The following STRN variants were observed in gnomAD, a reference collection of about 807,000 sequenced individuals.
The protein encoded by STRN is protein phosphatase 2 regulatory subunit B'''alpha.
Under a neutral mutation model 96.3 loss-of-function variants are expected in STRN, and 53 were observed. That is an observed-to-expected ratio of 0.55 (90% CI 0.44 to 0.69). STRN has a LOEUF of 0.69. Ranked by LOEUF, STRN falls within the 30% of genes least tolerant of loss-of-function variation. STRN has a pLI of 0.00. For synonymous variants in STRN, 428 were observed against 355.9 expected, an observed-to-expected ratio of 1.20 and a Z score of -2.28; for missense variants, 987 against 963.9, an observed-to-expected ratio of 1.02 and a Z score of -0.32.
intron 7 of STRN, among the ~76,000 whole-genome samples, chr2:36,888,156 C>A (rs1217526414): frequency 1.3e-5 from 2 of 152,202 alleles, no homozygotes; most frequent in African/African-American, 2.4e-5. Flanking sequence ...TCTACCTTCA[C>A]AAATATTCAG....
rs1401219611 is a variant in STRN, at chr2:36,838,718, G to A, written c.*10738C>T. 6.6e-6 allele frequency among the ~76,000 whole-genome samples: 1 copy of A among 152,038 alleles called. No homozygotes were observed. The highest frequency in any genetic ancestry group is 1.5e-5 in the Non-Finnish European group (1 of 68,024). Reference sequence around the variant, plus strand: ...TCCTCAATGCAGCAATCCTACTCCAGGGAATCTATTCCGCAGACGTAAAAC... The same window carrying A: ...TCCTCAATGCAGCAATCCTACTCCAAGGAATCTATTCCGCAGACGTAAAAC... On this transcript the variant is annotated 3_prime_UTR_variant, in exon 18 of 18. Transcript: ENST00000263918.
intron 6 of STRN, among the ~76,000 whole-genome samples, chr2:36,898,566 T>C (rs758083704): frequency 1.3e-5 from 2 of 152,188 alleles, no homozygotes; most frequent in Admixed American, 6.5e-5. Flanking sequence ...GTTAAACAGA[T>C]CATTTTCGCA....
chr2:36,872,788 G>A (rs1230239106), intron 10 of STRN, among the ~76,000 whole-genome samples: 1 of 152,112 alleles, frequency 6.6e-6, no homozygotes, highest in African/African-American at 2.4e-5. Context: ...TCTGCTTCTA[G>A]CCATGGCAAA....
intron 7 of STRN, among the ~76,000 whole-genome samples, chr2:36,893,147 C>T (rs745947043): frequency 2.2e-4 from 34 of 152,026 alleles, no homozygotes; most frequent in Admixed American, 9.2e-4. Context: ...AAAGCATAAA[C>T]ATAGCAGATC....
chr2:36,944,856 G>C (rs1445371657), intron 1 of STRN, among the ~76,000 whole-genome samples: 1 of 152,124 alleles, frequency 6.6e-6, no homozygotes, highest in Non-Finnish European at 1.5e-5. Context: ...ATATAAGTAG[G>C]AGATATAACT....
intron 13 of STRN, among the ~76,000 whole-genome samples, chr2:36,860,785 T>C (rs1406780538): frequency 6.6e-6 from 1 of 152,188 alleles, no homozygotes; most frequent in African/African-American, 2.4e-5. Flanking sequence ...TAAAAGTTGT[T>C]TGACAAGAAT....
intron 1 of STRN, among the ~76,000 whole-genome samples, chr2:36,934,663 A>C (rs955000390): frequency 1.3e-5 from 2 of 152,248 alleles, no homozygotes; most frequent in Non-Finnish European, 2.9e-5. Flanking sequence ...ATAAATCTTA[A>C]GGAACTACAT....
chr2:36,884,632 G>A (rs180706099), intron 8 of STRN, among the ~76,000 whole-genome samples: 1 of 152,192 alleles, frequency 6.6e-6, no homozygotes, highest in Admixed American at 6.5e-5. Flanking sequence ...TTAAGAATGG[G>A]AAAATCTTAC....
Position 36,847,144 on chromosome 2 carries a change from C to T in STRN, c.*2312G>A, listed in dbSNP as rs1668099175. 6.6e-6 allele frequency: 1 copy of T among 152,132 alleles called. No individual in the cohort carries two copies. The highest frequency in any genetic ancestry group is 1.5e-5 in the Non-Finnish European group (1 of 68,028). The allele number at this position is 152,132 out of a possible 1,614,324, so 9.4% of individuals were successfully genotyped here. A position where few individuals can be genotyped will look rare whatever the true frequency, so the allele number is the denominator to read the frequency against. ...TCTCCAATGCCACAGCACTGGCTTT[C>T]TAAGGAACTTTCAACAGTTCCATTT... On this transcript the variant is annotated 3_prime_UTR_variant, in exon 18 of 18. Coordinates refer to ENST00000263918, the MANE Select transcript of STRN (RefSeq NM_003162.4).
chr2:36,878,505 A>G (rs1419253862), intron 9 of STRN, among the ~76,000 whole-genome samples: 3 of 152,124 alleles, frequency 2.0e-5, no homozygotes, highest in South Asian at 4.1e-4. Flanking sequence ...GACAAAATCT[A>G]TATGTGGCGT....
At chr2:36,944,992 A>G (rs1670942271) in intron 1 of STRN, among the ~76,000 whole-genome samples, 1 of 152,242 alleles carries the variant, frequency 6.6e-6, no homozygotes, top group South Asian at 2.1e-4. Flanking sequence ...AATGTGCAGT[A>G]CTTAGTCAAA....
chr2:36,851,825 T>C (rs950151663), intron 15 of STRN, among the ~76,000 whole-genome samples: 2 of 152,236 alleles, frequency 1.3e-5, no homozygotes, highest in African/African-American at 2.4e-5. Context: ...TAAAGATATA[T>C]ATGACAAAGA....
At chr2:36,941,903 T>G (rs776505224) in intron 1 of STRN, among the ~76,000 whole-genome samples, 3 of 152,090 alleles carry the variant, frequency 2.0e-5, no homozygotes, top group Admixed American at 2.0e-4. Context: ...AGTCTTCAAG[T>G]TGGTTTACCA....
intron 2 of STRN, 62 bp downstream of exon 2, chr2:36,925,043 C>T (rs111335213): frequency 6.7e-6 from 10 of 1,502,746 alleles, no homozygotes; most frequent in Middle Eastern, 2.4e-4. Context: ...GCAACAAGAA[C>T]GAAACTCCGT....
chr2:36,890,379 A>G (rs1669358662), intron 7 of STRN, among the ~76,000 whole-genome samples: 1 of 151,970 alleles, frequency 6.6e-6, no homozygotes, highest in African/African-American at 2.4e-5. Flanking sequence ...GTAATGGCAA[A>G]TTTACATGGT....
At chr2:36,880,945 G>A (rs181383256) in intron 9 of STRN, among the ~76,000 whole-genome samples, 67 of 152,152 alleles carry the variant, frequency 4.4e-4, no homozygotes, top group African/African-American at 1.5e-3. Context: ...CAGGACTGAT[G>A]AGGCAGAGCA....
chr2:36,928,340 A>G (rs1459682215), intron 1 of STRN, among the ~76,000 whole-genome samples: 1 of 152,138 alleles, frequency 6.6e-6, no homozygotes, highest in African/African-American at 2.4e-5. Flanking sequence ...AAAGGGAAGG[A>G]AAAAAGGTAA....
intron 15 of STRN, among the ~76,000 whole-genome samples, chr2:36,852,922 C>T (rs879727921): frequency 2.0e-5 from 3 of 152,090 alleles, no homozygotes; most frequent in Non-Finnish European, 2.9e-5. Flanking sequence ...TTTAGGAGGC[C>T]GAGGCAGGCG....
At chr2:36,922,248 G>A (rs1412479337) in intron 2 of STRN, among the ~76,000 whole-genome samples, 1 of 152,076 alleles carries the variant, frequency 6.6e-6, no homozygotes, top group African/African-American at 2.4e-5. Context: ...GCTGGGCATG[G>A]TGACTCACGC....
Sources: allele counts gnomAD v4.1 joint callset (sites outside exome capture counted in the v4.1 genomes callset), GRCh38; gene constraint gnomAD v4.1.1; transcripts MANE v1.5; gene names NCBI Gene and HGNC (gene_info 2026-07-23, HGNC 2026-07-21).